The following ZNF469 variants were observed in gnomAD, a reference collection of about 807,000 sequenced individuals.
ZNF469 encodes zinc finger protein 469.
Under a neutral mutation model 1.0 loss-of-function variants are expected in ZNF469, and 1 was observed. The observed-to-expected ratio is 1.00, with a 90% CI of 0.35 to 4.73. The LOEUF (loss-of-function observed/expected upper bound fraction) is 4.73, where lower values mean the gene tolerates loss of function less well. ZNF469 is among the 30% of genes most tolerant of loss of function. The probability of loss-of-function intolerance (pLI) is 0.16; values close to 1 mark genes in which losing one functional copy is unlikely to be tolerated. For missense variants in ZNF469, 6,100 were observed against 5,356.3 expected, an observed-to-expected ratio of 1.14 and a Z score of -4.33; for synonymous variants, 2,703 against 2,363.4, an observed-to-expected ratio of 1.14 and a Z score of -4.17.
the ZNF469 span, among the ~76,000 whole-genome samples, chr16:88,287,399 G>T: frequency 6.6e-6 from 1 of 152,236 alleles, no homozygotes; most frequent in South Asian, 2.1e-4. Flanking sequence ...GACAGTGGTT[G>T]TGTACAACCG....
chr16:88,243,105 C>T, the ZNF469 span, among the ~76,000 whole-genome samples: 1 of 152,188 alleles, frequency 6.6e-6, no homozygotes, highest in Non-Finnish European at 1.5e-5. Context: ...CATCACTGCT[C>T]ATGACAGGGC....
At chr16:88,170,155 G>T in the ZNF469 span, among the ~76,000 whole-genome samples, 4 of 152,294 alleles carry the variant, frequency 2.6e-5, no homozygotes, top group Admixed American at 1.3e-4. This position sits in a 1 kb window ranked among gnomAD's most constrained non-coding sequence, Gnocchi z 4.2. Flanking sequence ...TTTATCTAAA[G>T]AGGTATATTC....
the ZNF469 span, among the ~76,000 whole-genome samples, chr16:88,315,802 C>T: frequency 1.3e-5 from 2 of 152,176 alleles, no homozygotes; most frequent in East Asian, 1.9e-4. Context: ...GGCTGGGGTC[C>T]TTGGAGGCCA....
chr16:88,201,111 C>A, the ZNF469 span, among the ~76,000 whole-genome samples: 1 of 152,246 alleles, frequency 6.6e-6, no homozygotes, highest in African/African-American at 2.4e-5. This position sits in a 1 kb window ranked among gnomAD's most constrained non-coding sequence, Gnocchi z 5.0. Flanking sequence ...CTTGTCACCA[C>A]TGAGCGACAG....
intron 2 of ZNF469, among the ~76,000 whole-genome samples, chr16:88,426,971 G>A (rs952728577): frequency 6.6e-6 from 1 of 152,154 alleles, no homozygotes; most frequent in African/African-American, 2.4e-5. Context: ...CAGGCTGAGA[G>A]CTTGTGCCCC....
Position 88,431,254 on chromosome 16 carries a change from C to T in ZNF469, c.3784C>T (p.Leu1262Phe). 6.5e-7 allele frequency: 1 copy of T among 1,550,382 alleles called. No homozygotes were observed. Among genetic ancestry groups the T allele is most frequent in the African/African-American group, 1.4e-5 (1 of 73,188 alleles). ...GGGAGAAATGGGAGCAAGCCCCGGT[C>T]TCCTGATACCAGAGCAGCCGCCGCC... The part of the protein sequence containing the change: ...CAGEMGASPG[L>F]LIPEQPPPSR... Residue 1262 changes from leucine (L) to phenylalanine (F), a missense_variant, in exon 3 of 3, where the codon CTC becomes TTC. Leu to Phe is a conservative substitution (Grantham distance 22). Coordinates refer to ENST00000565624, the MANE Select transcript of ZNF469 (RefSeq NM_001367624.2).
chr16:88,146,451 G>C, the ZNF469 span, among the ~76,000 whole-genome samples: 1 of 152,258 alleles, frequency 6.6e-6, no homozygotes, highest in East Asian at 1.9e-4. Context: ...GTGGACCCGG[G>C]TCTCACGCCC....
Position 88,430,087 on chromosome 16 carries a change from C to G in ZNF469, c.2617C>G (p.Pro873Ala), listed in dbSNP as rs1237408873. The part of the protein sequence containing the change: ...SFIDVFADEE[P>A]SGPRGPSSGH... Reference sequence around the variant, plus strand: ...CATCGACGTCTTCGCGGACGAGGAGCCTTCCGGCCCCAGAGGTCCCAGCTC... The same window carrying G: ...CATCGACGTCTTCGCGGACGAGGAGGCTTCCGGCCCCAGAGGTCCCAGCTC... The change falls in exon 3 of 3, where the codon CCT becomes GCT. Residue 873 changes from proline (P) to alanine (A), a missense_variant. Physicochemically the swap from Pro to Ala is conservative, Grantham distance 27. Coordinates refer to ENST00000565624, the MANE Select transcript of ZNF469 (RefSeq NM_001367624.2). 5.2e-6 allele frequency: 8 copies of G among 1,550,024 alleles called. No individual in the cohort carries two copies. Among genetic ancestry groups the G allele is most frequent in the Non-Finnish European group, 5.2e-6 (6 of 1,146,970 alleles).
Position 88,430,180 on chromosome 16 carries a change from G to T in ZNF469, c.2710G>T (p.Ala904Ser). ...CAAAGCTCCGCCCCCGCTCCCAGCA[G>T]CCACGCCGGACCCCCAAACCCCCCG... ...ESKAPPPLPAATPDPQTPRPG... is the reference protein window; with the variant it reads ...ESKAPPPLPASTPDPQTPRPG... The change falls in exon 3 of 3, where the codon GCC becomes TCC. Residue 904 changes from alanine (A) to serine (S), a missense_variant. By Grantham distance (99) the Ala-to-Ser change is moderately conservative. Coordinates refer to ENST00000565624, the MANE Select transcript of ZNF469 (RefSeq NM_001367624.2). The T allele has an allele frequency of 6.5e-7, 1 of 1,548,260 alleles. No individual in the cohort carries two copies. Among genetic ancestry groups the T allele is most frequent in the Non-Finnish European group, 8.7e-7 (1 of 1,145,616 alleles).
intron 1 of ZNF469, among the ~76,000 whole-genome samples, chr16:88,409,877 G>A (rs8045945): frequency 8.5e-6 from 1 of 118,104 alleles, no homozygotes; most frequent in Admixed American, 7.7e-5. Flanking sequence ...GGGGGGGGGG[G>A]GGGGGGGCGC....
At chr16:88,155,005 C>T in the ZNF469 span, among the ~76,000 whole-genome samples, 2 of 152,198 alleles carry the variant, frequency 1.3e-5, no homozygotes, top group African/African-American at 4.8e-5. Context: ...GTACGGCAGA[C>T]AAAATGCAGA....
At chr16:88,183,231 A>C in the ZNF469 span, among the ~76,000 whole-genome samples, 1 of 152,288 alleles carries the variant, frequency 6.6e-6, no homozygotes, top group East Asian at 1.9e-4. Flanking sequence ...GGGGTGGAAA[A>C]CGGGGCTGCC....
intron 2 of ZNF469, among the ~76,000 whole-genome samples, chr16:88,425,404 C>T (rs1229948013): frequency 1.3e-5 from 2 of 152,164 alleles, no homozygotes; most frequent in African/African-American, 4.8e-5. Context: ...GCAGCCTGGC[C>T]CCAGTGGGTG....
At chr16:88,246,141 T>C in the ZNF469 span, among the ~76,000 whole-genome samples, 1 of 152,292 alleles carries the variant, frequency 6.6e-6, no homozygotes, top group South Asian at 2.1e-4. Context: ...CATGATGTTC[T>C]GAGAGCAAGC....
At chr16:88,345,879 G>A in the ZNF469 span, among the ~76,000 whole-genome samples, 3 of 152,182 alleles carry the variant, frequency 2.0e-5, 1 homozygote, top group South Asian at 6.2e-4. Context: ...CAGCAACTCT[G>A]CCCTTCATCC....
the ZNF469 span, among the ~76,000 whole-genome samples, chr16:88,302,120 G>C: frequency 6.6e-6 from 1 of 152,202 alleles, no homozygotes; most frequent in Admixed American, 6.5e-5. Context: ...TCTCGGTCAG[G>C]ACAGTGGCCC....
At chr16:88,286,918 T>G in the ZNF469 span, among the ~76,000 whole-genome samples, 1 of 152,176 alleles carries the variant, frequency 6.6e-6, no homozygotes, top group Admixed American at 6.5e-5. Context: ...AGAGGAGATG[T>G]GGGTGGAGCC....
At position 88,435,163 on chromosome 16, in the gene ZNF469, C is replaced by T. The variant is rs1362830522; in HGVS notation, c.7693C>T (p.Pro2565Ser). ...AQGSKEVLRA[P>S]GSPHSQQLHP... ...GGGCTCAAAGGAGGTTCTCAGAGCA[C>T]CGGGGTCCCCACACAGCCAGCAGCT... The change falls in exon 3 of 3, where the codon CCG (proline) becomes TCG (serine). Residue 2565 changes from proline to serine, a missense_variant. Transcript: ENST00000565624. 1.3e-6 allele frequency: 2 copies of T among 1,550,270 alleles called. No homozygotes were observed. Among genetic ancestry groups the T allele is most frequent in the Admixed American group, 3.9e-5 (2 of 50,992 alleles).
At chr16:88,246,926 AGT>A in the ZNF469 span, among the ~76,000 whole-genome samples, 1 of 152,150 alleles carries the variant, frequency 6.6e-6, no homozygotes, top group East Asian at 1.9e-4. Context: ...TGAAGGAGTG[AGT>A]GAGTGAATGA....
Sources: gnomAD v4.1 joint callset for allele counts (sites outside exome capture counted in the v4.1 genomes callset) on GRCh38, gnomAD v4.1.1 for gene constraint, Gnocchi (gnomAD v3.1) non-coding constraint, MANE v1.5 for transcripts, NCBI Gene and HGNC (gene_info 2026-07-23, HGNC 2026-07-21) for gene names.